The following ACP5 variants were observed in gnomAD, a reference collection of about 807,000 sequenced individuals.
ACP5 encodes the protein acid phosphatase 5, tartrate resistant, also known as tartrate-resistant acid phosphatase type 5.
Under a neutral mutation model 28.7 loss-of-function variants are expected in ACP5, and 24 were observed. That is an observed-to-expected ratio of 0.84 (90% CI 0.61 to 1.18). ACP5 has a LOEUF of 1.18. Among genes scored for constraint, ACP5 ranks in the 50% most tolerant of loss-of-function variants. The pLI is 0.00. For missense variants in ACP5, 354 were observed against 422.2 expected (o/e 0.84, Z 1.42); for synonymous variants, 154 against 181.4 (o/e 0.85, Z 1.21).
Position 11,575,214 on chromosome 19 carries a change from A to G in ACP5, c.774T>C (p.Ser258=). ...AGGGGTCCATGAAATTCCCAGCCCCACTCAGCACGTAGCCCACGCCATTCT... is the reference window on the plus strand; with the variant it reads ...AGGGGTCCATGAAATTCCCAGCCCCGCTCAGCACGTAGCCCACGCCATTCT... ...QDENGVGYVL[S]GAGNFMDPSK... is the part of the protein sequence containing the mutation. Residue 258 remains serine (S), a synonymous_variant, in exon 5 of 5, where the codon AGT becomes AGC. Transcript: ENST00000648477. 2 of 1,613,872 alleles carry G rather than the reference A, an allele frequency of 1.2e-6. No individual in the cohort carries two copies. The highest frequency in any genetic ancestry group is 2.2e-5 in the East Asian group (1 of 44,868).
chr19:11,574,753 C>T lies in ACP5; in HGVS notation c.*257G>A, dbSNP rs1973062760. 2.8e-6 allele frequency: 1 copy of T among 363,616 alleles called. No individual in the cohort carries two copies. Among genetic ancestry groups the T allele is most frequent in the South Asian group, 2.1e-5 (1 of 47,904 alleles). The allele number at this position is 363,616 out of a possible 1,614,324, so 22.5% of individuals were successfully genotyped here. A position where few individuals can be genotyped will look rare whatever the true frequency, so the allele number is the denominator to read the frequency against. On this transcript the variant is annotated 3_prime_UTR_variant, in exon 5 of 5. Coordinates refer to ENST00000648477, the MANE Select transcript of ACP5 (RefSeq NM_001611.5). ...TTCCCTCCCTCCCTCCCCCATTGCA[C>T]CCCGGAACTCAGCAAAGGTGAGCCA...
chr19:11,577,425 C>T lies in ACP5; in HGVS notation c.1-108G>A. ...GAGGGAGACTGCTTGCTGCAGGCTG[C>T]CCCTGCGGGAACCCCTTGGTGCCCT... On this transcript the variant is annotated intron_variant, in intron 1 of 4. Coordinates refer to ENST00000648477, the MANE Select transcript of ACP5 (RefSeq NM_001611.5). The surrounding 1 kb of genome is among the most constrained non-coding windows in gnomAD (Gnocchi z 5.7). 1.5e-6 allele frequency: 2 copies of T among 1,296,484 alleles called. No individual in the cohort carries two copies. Among genetic ancestry groups the T allele is most frequent in the South Asian group, 1.3e-5 (1 of 78,594 alleles). The allele number at this position is 1,296,484 out of a possible 1,614,324, so 80.3% of individuals were successfully genotyped here. A position where few individuals can be genotyped will look rare whatever the true frequency, so the allele number is the denominator to read the frequency against.
In ACP5 at chr19:11,574,949, C is replaced by T. The variant is rs1301651721; in HGVS notation, c.*61G>A. On this transcript the variant is annotated 3_prime_UTR_variant, in exon 5 of 5. Coordinates refer to ENST00000648477, the MANE Select transcript of ACP5 (RefSeq NM_001611.5). Reference sequence around the variant, plus strand: ...AAAAGCCTGCCTGTGAGCAGGGTCCCGGCAGGGCCCACCCACCCAACAGTG... The same window carrying T: ...AAAAGCCTGCCTGTGAGCAGGGTCCTGGCAGGGCCCACCCACCCAACAGTG... 2.1e-5 allele frequency: 33 copies of T among 1,606,696 alleles called. No individual in the cohort carries two copies. Among genetic ancestry groups the T allele is most frequent in the South Asian group, 9.9e-5 (9 of 90,516 alleles).
chr19:11,577,624 C>T lies in ACP5; in HGVS notation c.-32G>A, dbSNP rs1454370466. 2.0e-6 allele frequency: 1 copy of T among 506,772 alleles called. No homozygotes were observed. Among genetic ancestry groups the T allele is most frequent in the Non-Finnish European group, 3.6e-6 (1 of 277,078 alleles). 31.4% of individuals were successfully genotyped at this position (506,772 alleles called of 1,614,324 possible). A position where few individuals can be genotyped will look rare whatever the true frequency, so the allele number is the denominator to read the frequency against. On this transcript the variant is annotated 5_prime_UTR_variant, in exon 1 of 5. Coordinates refer to ENST00000648477, the MANE Select transcript of ACP5 (RefSeq NM_001611.5). The surrounding 1 kb of genome is among the most constrained non-coding windows in gnomAD (Gnocchi z 5.7). ...GGAGACACAGGCCAGTCACCGGAGG[C>T]TCTGAGAGGCTGGTGGGCTCTAGAG... is the stretch of plus-strand genomic sequence containing the variant.
At chr19:11,575,298 G>A in intron 4 of ACP5, 46 bp from the exon 5 acceptor site, 4 of 1,611,482 alleles carry the variant, frequency 2.5e-6, no homozygotes, top group Non-Finnish European at 3.4e-6. Context: ...GCTTTGAGCA[G>A]AGCCCTGCCT....
At chr19:11,576,127 G>T in intron 4 of ACP5, 116 bp downstream of exon 4, 1 of 822,650 alleles carries the variant, frequency 1.2e-6, no homozygotes, top group South Asian at 1.5e-5. Context: ...GGACAGTCTA[G>T]ACATTCTGAA....
In ACP5 at chr19:11,575,204, T is replaced by G. The variant is rs1449857485; in HGVS notation, c.784A>C (p.Asn262His). Residue 262 changes from asparagine (N) to histidine (H), a missense_variant, in exon 5 of 5, where the codon AAT (asparagine) becomes CAT (histidine). Asn to His is a moderately conservative substitution (Grantham distance 68). Transcript: ENST00000648477. ...GVGYVLSGAG[N>H]FMDPSKRHQR... ...TGCCGCTTTGAGGGGTCCATGAAAT[T>G]CCCAGCCCCACTCAGCACGTAGCCC... is the stretch of plus-strand genomic sequence containing the variant. The G allele has an allele frequency of 1.9e-6, 3 of 1,613,914 alleles. No individual in the cohort carries two copies. The East Asian group carries it at 6.7e-5, about 36-fold the overall frequency.
chr19:11,576,006 CAA>C (rs3035420), intron 4 of ACP5, among the ~76,000 whole-genome samples: 25 of 52,860 alleles, frequency 4.7e-4, no homozygotes, highest in South Asian at 7.7e-4. Context: ...ACCTTGTCTC[CAA>C]AAAAAAAAAA....
At position 11,576,910 on chromosome 19, in the gene ACP5, T is replaced by C. The variant is rs539880925; in HGVS notation, c.262-67A>G. 1,695 of 1,612,732 alleles carry C rather than the reference T, an allele frequency of 1.1e-3. 4 individuals carry two copies. The highest frequency in any genetic ancestry group is 1.3e-3 in the Non-Finnish European group (1,585 of 1,179,310). On this transcript the variant is annotated intron_variant, in intron 2 of 4. Coordinates refer to ENST00000648477, the MANE Select transcript of ACP5 (RefSeq NM_001611.5). ...TGGCTATGCCGATCCTCCCACCAAG[T>C]CAGGATAAGGGAGACACTGAATGCT...
At chr19:11,575,838 A>G (rs1973116427) in intron 4 of ACP5, among the ~76,000 whole-genome samples, 2 of 151,158 alleles carry the variant, frequency 1.3e-5, no homozygotes, top group African/African-American at 4.9e-5. Context: ...TCTCAAAAAA[A>G]AAAAAAAAAG....
chr19:11,575,463 C>T (rs1436940298), intron 4 of ACP5: 34 of 600,946 alleles, frequency 5.7e-5, no homozygotes, highest in Non-Finnish European at 2.9e-6. Flanking sequence ...GTGGCTCATG[C>T]CTGTAATCCC....
Position 11,576,423 on chromosome 19 carries a change from C to T in ACP5, c.555G>A (p.Leu185=). 1.9e-6 allele frequency: 3 copies of T among 1,613,998 alleles called. No individual in the cohort carries two copies. Among genetic ancestry groups the T allele is most frequent in the Non-Finnish European group, 2.5e-6 (3 of 1,180,026 alleles). The change falls in exon 4 of 5, where the codon CTG becomes CTA. Residue 185 remains leucine, a synonymous_variant. Coordinates refer to ENST00000648477, the MANE Select transcript of ACP5 (RefSeq NM_001611.5). ...PRDVKLARTQ[L]SWLKKQLAAA... ...CCGCCAGCTGTTTCTTGAGCCAGGACAGCTGTGTGCGGGCCAGCTTCACGT... is the reference window on the plus strand; with the variant it reads ...CCGCCAGCTGTTTCTTGAGCCAGGATAGCTGTGTGCGGGCCAGCTTCACGT...
chr19:11,576,033 AAAAG>A (rs903897996), intron 4 of ACP5, among the ~76,000 whole-genome samples: 17 of 149,174 alleles, frequency 1.1e-4, no homozygotes, highest in East Asian at 5.9e-4. Flanking sequence ...AAGAGCTTAA[AAAAG>A]AAAGAAAGAA....
rs201777489 is a variant in ACP5, at chr19:11,574,980, C to T, written c.*30G>A. On this transcript the variant is annotated 3_prime_UTR_variant, in exon 5 of 5. Coordinates refer to ENST00000648477, the MANE Select transcript of ACP5 (RefSeq NM_001611.5). ...GGCCCACCCACCCAACAGTGGAGAT[C>T]GGGCCTCAGAGCTGGGCAGTCATGG... 4.7e-5 allele frequency: 76 copies of T among 1,613,546 alleles called. No individual in the cohort carries two copies. Among genetic ancestry groups the T allele is most frequent in the East Asian group, 4.5e-4 (20 of 44,880 alleles).
chr19:11,577,130 G>T lies in ACP5; in HGVS notation c.188C>A (p.Ala63Glu). Residue 63 changes from alanine (A) to glutamate (E), a missense_variant, in exon 2 of 5, where the codon GCA becomes GAA. Ala to Glu is a moderately radical substitution (Grantham distance 107, BLOSUM62 -1). Transcript: ENST00000648477. The surrounding 1 kb of genome is among the most constrained non-coding windows in gnomAD (Gnocchi z 5.7). The part of the protein sequence containing the change: ...EIARTVQILG[A>E]DFILSLGDNF... Reference sequence around the variant, plus strand: ...GTCCCCTAGAGACAGGATGAAGTCTGCACCCAGGATCTGCACAGTCCGAGC... The same window carrying T: ...GTCCCCTAGAGACAGGATGAAGTCTTCACCCAGGATCTGCACAGTCCGAGC... 6.2e-7 allele frequency: 1 copy of T among 1,614,172 alleles called. No individual in the cohort carries two copies. Among genetic ancestry groups the T allele is most frequent in the Non-Finnish European group, 8.5e-7 (1 of 1,180,030 alleles).
chr19:11,576,926 A>G (rs923146284), intron 2 of ACP5, 83 bp from the exon 3 acceptor site: 7 of 1,609,540 alleles, frequency 4.3e-6, no homozygotes, highest in Non-Finnish European at 5.9e-6. Flanking sequence ...TAAGGGAGAC[A>G]CTGAATGCTC....
rs1215741688 is a variant in ACP5, at chr19:11,576,660, GC to G, written c.389+55del. 6.8e-6 allele frequency: 11 copies of G among 1,613,788 alleles called. No individual in the cohort carries two copies. In the African/African-American group the frequency reaches 1.5e-4, roughly 22 times the overall value. ...TCCCAGGGTCAGCTCAAGCCACAGG[GC>G]CCCTGTGTCCCTGCTATGTGAGGAT... On this transcript the variant is annotated intron_variant, in intron 3 of 4. Coordinates refer to ENST00000648477, the MANE Select transcript of ACP5 (RefSeq NM_001611.5).
chr19:11,576,921 G>C, intron 2 of ACP5, 78 bp from the exon 3 acceptor site: 1 of 1,612,164 alleles, frequency 6.2e-7, no homozygotes, highest in Non-Finnish European at 8.5e-7. Flanking sequence ...CAGGATAAGG[G>C]AGACACTGAA....
Position 11,577,538 on chromosome 19 carries a change from G to T in ACP5, c.-1+55C>A. 1 of 618,708 alleles carries T rather than the reference G, an allele frequency of 1.6e-6. No homozygotes were observed. The highest frequency in any genetic ancestry group is 2.9e-6 in the Non-Finnish European group (1 of 345,946). The allele number at this position is 618,708 out of a possible 1,614,324, so 38.3% of individuals were successfully genotyped here. Reference sequence around the variant, plus strand: ...TCTGTGAGAGGGCGAGCTGTACCAAGATGGCCCTGCAGGCCCATTTCACCC... The same window carrying T: ...TCTGTGAGAGGGCGAGCTGTACCAATATGGCCCTGCAGGCCCATTTCACCC... On this transcript the variant is annotated intron_variant, in intron 1 of 4. Coordinates refer to ENST00000648477, the MANE Select transcript of ACP5 (RefSeq NM_001611.5). The surrounding 1 kb of genome is among the most constrained non-coding windows in gnomAD (Gnocchi z 5.7).
Sources: gnomAD v4.1 joint callset for allele counts (sites outside exome capture counted in the v4.1 genomes callset) on GRCh38, gnomAD v4.1.1 for gene constraint, Gnocchi (gnomAD v3.1) non-coding constraint, MANE v1.5 for transcripts, NCBI Gene and HGNC (gene_info 2026-07-23, HGNC 2026-07-21) for gene names.